The following REPS2 variants were observed in gnomAD, a reference collection of about 807,000 sequenced individuals.
REPS2 encodes the protein ralBP1-associated Eps domain-containing protein 2.
REPS2 carries 23 observed loss-of-function variants against 53.6 expected under a neutral mutation model. The observed-to-expected ratio is 0.43, with a 90% CI of 0.31 to 0.61. The LOEUF (loss-of-function observed/expected upper bound fraction) is 0.61, where lower values mean the gene tolerates loss of function less well. Among genes scored for constraint, REPS2 ranks in the 20% least tolerant of loss-of-function variants. REPS2 has a pLI of 0.11. For missense variants in REPS2, 446 were observed against 534.9 expected, an observed-to-expected ratio of 0.83 and a Z score of 1.64; for synonymous variants, 238 against 218.6, an observed-to-expected ratio of 1.09 and a Z score of -0.78.
At chrX:17,050,301 C>A (rs1365824898) in intron 6 of REPS2, among the ~76,000 whole-genome samples, 1 of 100,882 alleles carries the variant, frequency 9.9e-6, no homozygotes, top group African/African-American at 3.7e-5. Flanking sequence ...GTGATCCTCC[C>A]ACCTCAGCCT....
At chrX:17,013,483 A>G (rs1414473680) in intron 2 of REPS2, among the ~76,000 whole-genome samples, 2 of 111,501 alleles carry the variant, frequency 1.8e-5, no homozygotes, top group African/African-American at 6.5e-5. Context: ...TGCTTTGCCT[A>G]TTTGACAAAC....
Position 17,063,359 on chromosome X carries a change from C to T in REPS2, c.1209+827C>T, listed in dbSNP as rs2062182236. On this transcript the variant is annotated intron_variant, in intron 9 of 17. Transcript: ENST00000357277. ...ACTGCAAGATGATAGAAGTCAAAGT[C>T]AGGGAACAGGGACATTTCTTTAATT... is the stretch of plus-strand genomic sequence containing the variant. Among the ~76,000 whole-genome samples the T allele has an allele frequency of 2.7e-5, 3 of 111,723 alleles. No homozygotes were observed. In the Admixed American group the frequency reaches 2.8e-4, roughly 11 times the overall value.
At chrX:17,008,605 T>C (rs1258608842) in intron 2 of REPS2, among the ~76,000 whole-genome samples, 1 of 112,416 alleles carries the variant, frequency 8.9e-6, no homozygotes, top group Non-Finnish European at 1.9e-5. Flanking sequence ...ATTGATTAAA[T>C]AAAATTATTT....
At chrX:17,165,992 A>G in the REPS2 span, among the ~76,000 whole-genome samples, 1 of 112,110 alleles carries the variant, frequency 8.9e-6, no homozygotes, top group Admixed American at 9.5e-5. Flanking sequence ...GGCTTCTTCT[A>G]ATGCTCTATT....
chrX:17,173,445 G>T, the REPS2 span, among the ~76,000 whole-genome samples: 1 of 112,367 alleles, frequency 8.9e-6, no homozygotes, highest in Non-Finnish European at 1.9e-5. Flanking sequence ...TCATAACATG[G>T]TGGTTTGTTT....
At chrX:17,189,400 C>T in the REPS2 span, among the ~76,000 whole-genome samples, 1 of 109,653 alleles carries the variant, frequency 9.1e-6, no homozygotes, top group Non-Finnish European at 1.9e-5. Flanking sequence ...ATTCTCTTGC[C>T]TCAGCCTCCT....
the REPS2 span, among the ~76,000 whole-genome samples, chrX:17,195,361 G>A: frequency 8.9e-6 from 1 of 111,845 alleles, no homozygotes; most frequent in Non-Finnish European, 1.9e-5. Context: ...TTATATATTC[G>A]GTGAAGATAA....
chrX:17,134,812 C>T (rs759772000), intron 15 of REPS2, among the ~76,000 whole-genome samples: 1 of 109,941 alleles, frequency 9.1e-6, no homozygotes, highest in Admixed American at 9.7e-5. Context: ...TTAGTAGAGA[C>T]GGGGTTTCAC....
chrX:17,088,067 C>T (rs2062565192), intron 13 of REPS2, among the ~76,000 whole-genome samples: 1 of 111,062 alleles, frequency 9.0e-6, no homozygotes, highest in South Asian at 3.8e-4. Context: ...CCTCCTAACA[C>T]ACATTTGTAT....
intron 15 of REPS2, 43 bp downstream of exon 15, chrX:17,133,950 C>T: frequency 2.0e-6 from 2 of 977,402 alleles, no homozygotes; most frequent in Non-Finnish European, 2.9e-6. Flanking sequence ...GTTGCGAGTC[C>T]CACCCCGGGC....
the REPS2 span, among the ~76,000 whole-genome samples, chrX:17,158,438 A>G: frequency 9.2e-3 from 1,030 of 111,803 alleles, 10 homozygotes; most frequent in South Asian, 0.016. Flanking sequence ...CAGAAAACCT[A>G]CCATGCAGAA....
chrX:17,133,936 T>G, intron 15 of REPS2, 29 bp downstream of exon 15: 1 of 1,107,964 alleles, frequency 9.0e-7, no homozygotes, highest in Non-Finnish European at 1.2e-6. Flanking sequence ...TGCTGTCAGA[T>G]GGCGTTGCGA....
intron 3 of REPS2, 113 bp from the exon 4 acceptor site, chrX:17,024,946 A>G: frequency 1.9e-6 from 2 of 1,054,933 alleles, no homozygotes; most frequent in South Asian, 1.9e-5. Context: ...ATTTCCCCCC[A>G]TTTGTTAAAC....
the REPS2 span, among the ~76,000 whole-genome samples, chrX:17,185,930 G>A: frequency 1.9e-4 from 21 of 110,889 alleles, no homozygotes; most frequent in African/African-American, 6.9e-4. Context: ...CCAAAGGTGG[G>A]GCTCTGTGTC....
In REPS2 at chrX:17,148,651, T is replaced by C. The variant is rs2063539104; in HGVS notation, c.*1170T>C. ...CTCCAGTGTAGGTAATGTAAAACAG[T>C]AAGCTCAAATTGCAGAAGCCAGTAT... On this transcript the variant is annotated 3_prime_UTR_variant, in exon 18 of 18. Transcript: ENST00000357277. The C allele has an allele frequency of 1.2e-5, 2 of 171,617 alleles. No individual in the cohort carries two copies. Among genetic ancestry groups the C allele is most frequent in the South Asian group, 1.1e-4 (1 of 9,331 alleles). The allele number at this position is 171,617 out of a possible 1,213,427, so 14.1% of individuals were successfully genotyped here.
At chrX:17,068,536 G>A in intron 10 of REPS2, 65 bp downstream of exon 10, 1 of 902,567 alleles carries the variant, frequency 1.1e-6, no homozygotes, top group Non-Finnish European at 1.6e-6. Flanking sequence ...TACTCCTCTT[G>A]GAATGGTGGC....
At chrX:17,072,708 A>G (rs950346246) in intron 11 of REPS2, among the ~76,000 whole-genome samples, 14 of 112,398 alleles carry the variant, frequency 1.2e-4, no homozygotes, top group Non-Finnish European at 3.8e-5. Context: ...CAGCCTGCGT[A>G]GAGGGCTTCC....
At chrX:17,143,302 T>C (rs1433284872) in intron 17 of REPS2, among the ~76,000 whole-genome samples, 1 of 112,096 alleles carries the variant, frequency 8.9e-6, no homozygotes, top group Non-Finnish European at 1.9e-5. Flanking sequence ...TTTTAAAAAG[T>C]TATTTTTTAA....
intron 5 of REPS2, among the ~76,000 whole-genome samples, chrX:17,040,399 ATGTT>A (rs751808939): frequency 8.9e-6 from 1 of 111,880 alleles, no homozygotes; most frequent in Non-Finnish European, 1.9e-5. Flanking sequence ...ATTTTTTCGA[ATGTT>A]TGTTTGTTTA....
Sources: gnomAD v4.1 joint callset for allele counts (sites outside exome capture counted in the v4.1 genomes callset) on GRCh38, gnomAD v4.1.1 for gene constraint, MANE v1.5 for transcripts, NCBI Gene and HGNC (gene_info 2026-07-23, HGNC 2026-07-21) for gene names.